The following AGAP1 variants were observed in gnomAD, a reference collection of about 807,000 sequenced individuals.
The protein encoded by AGAP1 is ArfGAP with GTPase domain, ankyrin repeat and PH domain 1.
A neutral mutation model predicts 105.3 loss-of-function variants in AGAP1; 29 were observed. That is an observed-to-expected ratio of 0.28 (90% CI 0.21 to 0.38). The LOEUF is 0.38. Ranked by LOEUF, AGAP1 falls within the 10% of genes least tolerant of loss-of-function variation. The pLI is 1.00. For missense variants in AGAP1, 998 were observed against 1,165.1 expected (o/e 0.86, Z 2.09); for synonymous variants, 509 against 485.9 (o/e 1.05, Z -0.63).
At chr2:236,116,187 A>G (rs916527158) in intron 16 of AGAP1, among the ~76,000 whole-genome samples, 2 of 152,128 alleles carry the variant, frequency 1.3e-5, no homozygotes, top group African/African-American at 2.4e-5. Flanking sequence ...ATCTTGGCTC[A>G]CTGCATCCTC....
At chr2:235,696,207 A>G (rs951900015) in intron 1 of AGAP1, among the ~76,000 whole-genome samples, 7 of 152,124 alleles carry the variant, frequency 4.6e-5, no homozygotes, top group Non-Finnish European at 8.8e-5. Context: ...CCCCATGCCC[A>G]GCTAATTTTT....
intron 1 of AGAP1, among the ~76,000 whole-genome samples, chr2:235,594,096 T>C (rs1945439191): frequency 6.6e-6 from 1 of 152,144 alleles, no homozygotes; most frequent in Admixed American, 6.5e-5. Context: ...GTAAGGATAG[T>C]TTTCAAGCGG....
intron 13 of AGAP1, among the ~76,000 whole-genome samples, chr2:235,980,357 T>TAA (rs1257046351): frequency 5.3e-5 from 8 of 151,834 alleles, no homozygotes; most frequent in Non-Finnish European, 1.2e-4. Flanking sequence ...TTTCTTTGGG[T>TAA]TTTGCTTAAT....
rs1956778292 is a variant in AGAP1 at position 235,788,407 on chromosome 2, T to G, written c.674-9352T>G. Among the ~76,000 whole-genome samples the G allele has an allele frequency of 6.6e-6, 1 of 151,748 alleles. No homozygotes were observed. The highest frequency in any genetic ancestry group is 1.5e-5 in the Non-Finnish European group (1 of 67,912). On this transcript the variant is annotated intron_variant, in intron 6 of 17. Transcript: ENST00000304032. The surrounding 1 kb of genome is among the most constrained non-coding windows in gnomAD (Gnocchi z 6.0). Reference sequence around the variant, plus strand: ...AGCCAGGATGGTGTGGTGCGGATCTTGGATGAGGTTAGCTGAGTTTGAAAA... The same window carrying G: ...AGCCAGGATGGTGTGGTGCGGATCTGGGATGAGGTTAGCTGAGTTTGAAAA...
chr2:235,616,998 C>CA (rs1452877170), intron 1 of AGAP1, among the ~76,000 whole-genome samples: 1 of 150,944 alleles, frequency 6.6e-6, no homozygotes, highest in African/African-American at 2.4e-5. Context: ...GTTGAAAAGT[C>CA]AAAGTCACAT....
chr2:236,096,431 G>A lies in AGAP1; in HGVS notation c.2115-23761G>A, dbSNP rs1357306902. Among the ~76,000 whole-genome samples the A allele has an allele frequency of 6.6e-6, 1 of 151,328 alleles. No individual in the cohort carries two copies. The highest frequency in any genetic ancestry group is 1.5e-5 in the Non-Finnish European group (1 of 67,910). On this transcript the variant is annotated intron_variant, in intron 16 of 17. Coordinates refer to ENST00000304032, the MANE Select transcript of AGAP1 (RefSeq NM_001037131.3). The surrounding 1 kb of genome is among the most constrained non-coding windows in gnomAD (Gnocchi z 4.4). ...CAAGAGAATCCCTTGAACCTGAGAG[G>A]CAGAGGTTGCAGTGAGCCAAGATCG...
In AGAP1 at chr2:236,119,201, C is replaced by T. The variant is rs776556684; in HGVS notation, c.2115-991C>T. Among the ~76,000 whole-genome samples the T allele has an allele frequency of 6.6e-6, 1 of 152,096 alleles. No individual in the cohort carries two copies. Among genetic ancestry groups the T allele is most frequent in the Non-Finnish European group, 1.5e-5 (1 of 68,022 alleles). ...AGGCATCAGCATCATCCACTCTCCA[C>T]ACCTCCGACCCCATCCACCCCCTCC... On this transcript the variant is annotated intron_variant, in intron 16 of 17. Coordinates refer to ENST00000304032, the MANE Select transcript of AGAP1 (RefSeq NM_001037131.3). This position sits in a 1 kb window ranked among gnomAD's most constrained non-coding sequence, Gnocchi z 6.6.
chr2:235,835,060 T>TC (rs1386328563), intron 9 of AGAP1, among the ~76,000 whole-genome samples: 1 of 152,134 alleles, frequency 6.6e-6, no homozygotes, highest in African/African-American at 2.4e-5. Flanking sequence ...GCCTCACACC[T>TC]CCCCCGTTCC....
intron 1 of AGAP1, among the ~76,000 whole-genome samples, chr2:235,497,746 C>A (rs2148994263): frequency 6.6e-6 from 1 of 152,348 alleles, no homozygotes; most frequent in Non-Finnish European, 1.5e-5. Flanking sequence ...AGGCGCCCAC[C>A]ACCTCGCCTG....
chr2:235,646,270 CAAAAA>C (rs3056061), intron 1 of AGAP1, among the ~76,000 whole-genome samples: 2 of 112,970 alleles, frequency 1.8e-5, no homozygotes, highest in East Asian at 5.0e-4. Context: ...ACTCTGTCTC[CAAAAA>C]AAAAAAAAAA....
At chr2:235,812,207 T>A (rs1958183456) in intron 9 of AGAP1, among the ~76,000 whole-genome samples, 2 of 152,154 alleles carry the variant, frequency 1.3e-5, no homozygotes, top group South Asian at 4.1e-4. Context: ...TGAACCCTGA[T>A]GTCATGGCCA....
In AGAP1 at chr2:235,964,938, C is replaced by G. The variant is rs531582361; in HGVS notation, c.1484-3524C>G. ...CGGCTTTGTGAAAACAGGCTGAGCTCGAGGTCCCAGGCTGCTCAAGGCAAG... is the reference window on the plus strand; with the variant it reads ...CGGCTTTGTGAAAACAGGCTGAGCTGGAGGTCCCAGGCTGCTCAAGGCAAG... On this transcript the variant is annotated intron_variant, in intron 12 of 17. Transcript: ENST00000304032. The surrounding 1 kb of genome is among the most constrained non-coding windows in gnomAD (Gnocchi z 4.6). Among the ~76,000 whole-genome samples the G allele has an allele frequency of 6.6e-6, 1 of 152,112 alleles. No homozygotes were observed. The highest frequency in any genetic ancestry group is 1.5e-5 in the Non-Finnish European group (1 of 68,018).
chr2:235,540,777 A>G (rs72984697), intron 1 of AGAP1, among the ~76,000 whole-genome samples: 7,514 of 152,286 alleles, frequency 0.049, 253 homozygotes, highest in Middle Eastern at 0.15. Context: ...TTCACTTTCC[A>G]TGCCGGGCAG....
rs572478985 is a variant in AGAP1, at chr2:235,723,731, C to G, written c.310+6087C>G. Among the ~76,000 whole-genome samples the G allele has an allele frequency of 4.6e-4, 70 of 151,980 alleles. No homozygotes were observed. Among genetic ancestry groups the G allele is most frequent in the Admixed American group, 1.4e-3 (22 of 15,292 alleles). The stretch of plus-strand genomic sequence containing the variant: ...GCCCCACAAGCTTCCCAAGATGAAA[C>G]TAAACTGTATATGGATTGAGTGGGA... On this transcript the variant is annotated intron_variant, in intron 3 of 17. Transcript: ENST00000304032. The surrounding 1 kb of genome is among the most constrained non-coding windows in gnomAD (Gnocchi z 6.2).
intron 1 of AGAP1, among the ~76,000 whole-genome samples, chr2:235,587,919 A>C (rs1438431264): frequency 6.6e-6 from 1 of 151,922 alleles, no homozygotes; most frequent in Non-Finnish European, 1.5e-5. Context: ...AAGGGAAGTC[A>C]TCTGGCAGCC....
At chr2:235,638,579 A>C (rs1186526609) in intron 1 of AGAP1, among the ~76,000 whole-genome samples, 1 of 152,260 alleles carries the variant, frequency 6.6e-6, no homozygotes, top group Non-Finnish European at 1.5e-5. Flanking sequence ...AAAACCCTCA[A>C]AACTGTATAT....
intron 1 of AGAP1, among the ~76,000 whole-genome samples, chr2:235,534,782 G>T (rs757545939): frequency 2.6e-5 from 4 of 152,186 alleles, no homozygotes; most frequent in African/African-American, 9.7e-5. Context: ...GCAGCCATCC[G>T]TGGAAGAGCC....
rs188479913 is a variant in AGAP1 at position 235,621,581 on chromosome 2, A to G, written c.164-87598A>G. 2.6e-3 allele frequency among the ~76,000 whole-genome samples: 391 copies of G among 152,264 alleles called. 1 individual carries two copies. The highest frequency in any genetic ancestry group is 3.8e-3 in the Admixed American group (58 of 15,296). On this transcript the variant is annotated intron_variant, in intron 1 of 17. Transcript: ENST00000304032. The surrounding 1 kb of genome is among the most constrained non-coding windows in gnomAD (Gnocchi z 4.1). ...CTGGGCACTGGCTGGGCTGACCCCA[A>G]TGGCCCCTGCCCATCATGCATTTAG...
chr2:235,561,662 T>G (rs749446097), intron 1 of AGAP1, among the ~76,000 whole-genome samples: 2 of 152,192 alleles, frequency 1.3e-5, no homozygotes, highest in Non-Finnish European at 2.9e-5. Context: ...AGAGGATTAC[T>G]TAGCTAATTC....
Sources: allele counts gnomAD v4.1 joint callset (sites outside exome capture counted in the v4.1 genomes callset), GRCh38; gene constraint gnomAD v4.1.1; non-coding constraint Gnocchi (gnomAD v3.1); transcripts MANE v1.5; gene names NCBI Gene and HGNC (gene_info 2026-07-23, HGNC 2026-07-21).